ACP3: variants seen among roughly 807,000 people sequenced by gnomAD.
ACP3 encodes the protein prostatic acid phosphatase.
Under a neutral mutation model 45.6 loss-of-function variants are expected in ACP3, and 38 were observed. The ratio of observed to expected loss-of-function variants is 0.83; its 90% CI spans 0.64 to 1.09. The LOEUF is 1.09. Among genes scored for constraint, ACP3 ranks in the 50% least tolerant of loss-of-function variants. The probability of loss-of-function intolerance (pLI) is 0.00; values close to 1 mark genes in which losing one functional copy is unlikely to be tolerated. For missense variants in ACP3, 466 were observed against 463.2 expected (o/e 1.01, Z -0.05); for synonymous variants, 162 against 164.7 (o/e 0.98, Z 0.13).
At chr3:132,364,874 T>C (rs1035950715) in intron 10 of ACP3, among the ~76,000 whole-genome samples, 3 of 152,158 alleles carry the variant, frequency 2.0e-5, no homozygotes, top group African/African-American at 7.2e-5. Context: ...GCCATGAAAA[T>C]AGATTTTTAA....
At chr3:132,355,846 T>C (rs1280402083) in intron 9 of ACP3, among the ~76,000 whole-genome samples, 1 of 152,246 alleles carries the variant, frequency 6.6e-6, no homozygotes, top group East Asian at 1.9e-4. Context: ...TTGCTGTTAC[T>C]ATGTTTATAT....
intron 5 of ACP3, among the ~76,000 whole-genome samples, chr3:132,341,716 A>G (rs368665954): frequency 5.3e-5 from 8 of 152,336 alleles, no homozygotes; most frequent in African/African-American, 1.7e-4. Flanking sequence ...GAATTCCTCT[A>G]TGACAGTCAT....
chr3:132,359,382 C>T (rs1283067537), downstream of ACP3, among the ~76,000 whole-genome samples: 1 of 152,122 alleles, frequency 6.6e-6, no homozygotes, highest in East Asian at 1.9e-4. Context: ...GTGGCGGGCA[C>T]CTGTAGTCCC....
intron 10 of ACP3, among the ~76,000 whole-genome samples, chr3:132,364,507 G>A (rs1444463551): frequency 6.6e-6 from 1 of 152,168 alleles, no homozygotes; most frequent in African/African-American, 2.4e-5. Context: ...TACTCACCTT[G>A]CAGGTCAGCT....
At chr3:132,359,982 C>T (rs997778665), downstream of ACP3, among the ~76,000 whole-genome samples, 5 of 152,106 alleles carry the variant, frequency 3.3e-5, no homozygotes, top group Admixed American at 3.3e-4. Flanking sequence ...GAGGTGGCCT[C>T]TAATACAGTG....
chr3:132,332,612 C>G (rs184393217), intron 4 of ACP3: 22 of 358,062 alleles, frequency 6.1e-5, no homozygotes, highest in African/African-American at 4.2e-4. Flanking sequence ...TCGTCATACA[C>G]AGAGAGAGAG....
intron 2 of ACP3, among the ~76,000 whole-genome samples, chr3:132,329,900 C>T (rs751477845): frequency 6.6e-6 from 1 of 151,410 alleles, no homozygotes; most frequent in African/African-American, 2.4e-5. Context: ...AGATTCCTAC[C>T]CTTGTCTAGG....
intron 9 of ACP3, among the ~76,000 whole-genome samples, chr3:132,356,102 A>T (rs1420948391): frequency 6.6e-6 from 1 of 152,156 alleles, no homozygotes; most frequent in Non-Finnish European, 1.5e-5. Context: ...CCTTAACGTG[A>T]CACAATGGAA....
At chr3:132,351,412 CAT>C (rs1937736219) in intron 8 of ACP3, among the ~76,000 whole-genome samples, 1 of 152,174 alleles carries the variant, frequency 6.6e-6, no homozygotes, top group African/African-American at 2.4e-5. Flanking sequence ...GGAAACAGGA[CAT>C]AGCATGCTGA....
At chr3:132,359,150 G>C (rs953734806), downstream of ACP3, among the ~76,000 whole-genome samples, 2 of 152,202 alleles carry the variant, frequency 1.3e-5, no homozygotes, top group African/African-American at 4.8e-5. Context: ...GAGTTATCCA[G>C]ATTTGGAGTA....
rs774436869 is a variant in ACP3 at position 132,337,519 on chromosome 3, T to A, written c.520T>A (p.Ser174Thr). 6.2e-7 allele frequency: 1 copy of A among 1,611,020 alleles called. No individual in the cohort carries two copies. Among genetic ancestry groups the A allele is most frequent in the South Asian group, 1.1e-5 (1 of 90,848 alleles). The change falls in exon 5 of 10, where the codon TCA (serine) becomes ACA (threonine). Residue 174 changes from serine (S) to threonine (T), a missense_variant. By Grantham distance (58) the Ser-to-Thr change is moderately conservative (BLOSUM62 1). Coordinates refer to ENST00000336375, the MANE Select transcript of ACP3 (RefSeq NM_001099.5). The part of the protein sequence containing the change: ...FQELESETLK[S>T]EEFQKRLHPY... ...AGAACTTGAGAGTGAGACTTTGAAA[T>A]CAGAGGAATTCCAGAAGAGGCTGCA...
At position 132,342,608 on chromosome 3, in the gene ACP3, A is replaced by G. The variant is rs759461213; in HGVS notation, c.612A>G (p.Gly204=). Residue 204 remains glycine, a synonymous_variant, in exon 6 of 10, where the codon GGA becomes GGG. Transcript: ENST00000336375. Reference sequence around the variant, plus strand: ...GATTACATGGCCAGGACCTTTTTGGAATTTGGAGTAAAGTCTACGACCCTT... The same window carrying G: ...GATTACATGGCCAGGACCTTTTTGGGATTTGGAGTAAAGTCTACGACCCTT... The part of the protein sequence containing the change: ...LSGLHGQDLF[G]IWSKVYDPLY... 1.2e-6 allele frequency: 2 copies of G among 1,612,564 alleles called. No individual in the cohort carries two copies. Among genetic ancestry groups the G allele is most frequent in the East Asian group, 4.5e-5 (2 of 44,830 alleles).
intron 5 of ACP3, 99 bp from the exon 6 acceptor site, chr3:132,342,453 A>G: frequency 1.3e-6 from 1 of 783,038 alleles, no homozygotes; most frequent in South Asian, 1.6e-5. Context: ...AATGCACAGG[A>G]GAGCTCCCTA....
At chr3:132,332,432 G>C in intron 4 of ACP3, 88 bp downstream of exon 4, 2 of 1,415,964 alleles carry the variant, frequency 1.4e-6, no homozygotes, top group South Asian at 1.2e-5. Flanking sequence ...TGGGAGTCTG[G>C]ACACTCCTTG....
chr3:132,340,670 C>T, intron 5 of ACP3, among the ~76,000 whole-genome samples: 1 of 151,904 alleles, frequency 6.6e-6, no homozygotes, highest in East Asian at 1.9e-4. Flanking sequence ...CATTTTTTTC[C>T]TACTTATTGA....
chr3:132,328,602 C>T (rs1937344913), intron 2 of ACP3, among the ~76,000 whole-genome samples: 1 of 148,120 alleles, frequency 6.8e-6, no homozygotes, highest in Non-Finnish European at 1.5e-5. Flanking sequence ...TCGCTTGAAC[C>T]TGGGAAGTGG....
Position 132,356,599 on chromosome 3 carries a change from CATG to C in ACP3, c.969-86_969-84del. ...GTTTTTCCATTAGTCCCTCAACTGG[CATG>C]TAATAGTCCAAGTGGAAAGAAATTC... On this transcript the variant is annotated intron_variant, in intron 9 of 9. Coordinates refer to ENST00000336375, the MANE Select transcript of ACP3 (RefSeq NM_001099.5). 3 of 1,598,526 alleles carry C rather than the reference CATG, an allele frequency of 1.9e-6. No individual in the cohort carries two copies. In the East Asian group the frequency reaches 6.7e-5, roughly 36 times the overall value.
intron 4 of ACP3, among the ~76,000 whole-genome samples, chr3:132,334,408 G>C (rs1937455588): frequency 2.6e-5 from 4 of 152,194 alleles, no homozygotes; most frequent in Admixed American, 2.6e-4. Context: ...AGAGAAATAG[G>C]AGGCGAAGTT....
chr3:132,357,048 C>A lies in ACP3; in HGVS notation c.*170C>A. The A allele has an allele frequency of 7.3e-7, 1 of 1,361,542 alleles. No individual in the cohort carries two copies. Among genetic ancestry groups the A allele is most frequent in the Non-Finnish European group, 9.4e-7 (1 of 1,059,916 alleles). The allele number at this position is 1,361,542 out of a possible 1,614,324, so 84.3% of individuals were successfully genotyped here. On this transcript the variant is annotated 3_prime_UTR_variant, in exon 10 of 10. Transcript: ENST00000336375. ...GGCAATTCCTACCTCTTCACCTGAC[C>A]CTGCCCCCACTTGCCATAAAACTTA... is the stretch of plus-strand genomic sequence containing the variant.
Sources: gnomAD v4.1 joint callset for allele counts (sites outside exome capture counted in the v4.1 genomes callset) on GRCh38, gnomAD v4.1.1 for gene constraint, MANE v1.5 for transcripts, NCBI Gene and HGNC (gene_info 2026-07-23, HGNC 2026-07-21) for gene names.